The following NR3C2 variants were observed in gnomAD, a reference collection of about 807,000 sequenced individuals.
NR3C2 encodes nuclear receptor subfamily 3 group C member 2.
NR3C2 carries 15 observed loss-of-function variants against 86.4 expected under a neutral mutation model. That is an observed-to-expected ratio of 0.17 (90% CI 0.12 to 0.27). NR3C2 has a LOEUF of 0.27. Ranked by LOEUF, NR3C2 falls within the 10% of genes least tolerant of loss-of-function variation. NR3C2 has a pLI of 1.00. For synonymous variants in NR3C2, 458 were observed against 450.5 expected (o/e 1.02, Z -0.21); for missense variants, 960 against 1,195.6 (o/e 0.80, Z 2.91).
chr4:148,260,505 T>C (rs1036678807), intron 2 of NR3C2, among the ~76,000 whole-genome samples: 4 of 152,178 alleles, frequency 2.6e-5, no homozygotes, highest in African/African-American at 4.8e-5. Flanking sequence ...AGAGCTATTA[T>C]AATATTACTC....
intron 4 of NR3C2, among the ~76,000 whole-genome samples, chr4:148,181,991 T>G (rs1209784780): frequency 6.6e-6 from 1 of 152,228 alleles, no homozygotes; most frequent in Non-Finnish European, 1.5e-5. Flanking sequence ...TAGGACTACA[T>G]GCTAACCAAC....
chr4:148,194,091 C>T (rs940369405), intron 4 of NR3C2, among the ~76,000 whole-genome samples: 1 of 152,140 alleles, frequency 6.6e-6, no homozygotes, highest in Non-Finnish European at 1.5e-5. Flanking sequence ...AGAGCTAGTT[C>T]CTCCCATTAT....
chr4:148,372,746 T>A (rs183880518), intron 2 of NR3C2, among the ~76,000 whole-genome samples: 5 of 152,302 alleles, frequency 3.3e-5, no homozygotes, highest in Admixed American at 6.5e-5. Flanking sequence ...TAAAGAAAAG[T>A]TATTAAGTTA....
intron 2 of NR3C2, among the ~76,000 whole-genome samples, chr4:148,414,395 C>T (rs2126581527): frequency 6.6e-6 from 1 of 152,238 alleles, no homozygotes; most frequent in Admixed American, 6.5e-5. Context: ...GAAAAATTAA[C>T]ATTTGTTAAC....
intron 3 of NR3C2, among the ~76,000 whole-genome samples, chr4:148,231,295 C>T (rs978525847): frequency 2.6e-5 from 4 of 152,270 alleles, no homozygotes; most frequent in East Asian, 1.9e-4. Context: ...TTTGCTATAA[C>T]CATTGATAAA....
At chr4:148,212,225 T>G (rs1254180982) in intron 3 of NR3C2, among the ~76,000 whole-genome samples, 1 of 152,246 alleles carries the variant, frequency 6.6e-6, no homozygotes, top group Non-Finnish European at 1.5e-5. Context: ...TCTTATTGCT[T>G]TGGCAAGTTC....
chr4:148,267,395 A>T (rs1740451707), intron 2 of NR3C2, among the ~76,000 whole-genome samples: 1 of 151,946 alleles, frequency 6.6e-6, no homozygotes, highest in African/African-American at 2.4e-5. Context: ...CTGGGACTAC[A>T]GGCACAAGCC....
intron 6 of NR3C2, among the ~76,000 whole-genome samples, chr4:148,137,397 T>A (rs954775043): frequency 6.6e-6 from 1 of 152,164 alleles, no homozygotes. Context: ...GACAATAATA[T>A]CTGCTTTAAA....
At chr4:148,329,335 C>CAT (rs1244216060) in intron 2 of NR3C2, among the ~76,000 whole-genome samples, 2 of 5,026 alleles carry the variant, frequency 4.0e-4, no homozygotes, top group Non-Finnish European at 8.5e-4. Flanking sequence ...TATACACATG[C>CAT]ATATATATAC....
intron 2 of NR3C2, among the ~76,000 whole-genome samples, chr4:148,373,804 GAAGTT>G (rs1746542129): frequency 6.6e-6 from 1 of 152,174 alleles, no homozygotes; most frequent in Middle Eastern, 3.4e-3. Context: ...TGTTAAAATT[GAAGTT>G]AAGTATAGTC....
chr4:148,357,016 G>A (rs1483781666), intron 2 of NR3C2, among the ~76,000 whole-genome samples: 3 of 151,260 alleles, frequency 2.0e-5, no homozygotes, highest in African/African-American at 7.3e-5. Context: ...TATGGGGGAG[G>A]GATTGATAAA....
intron 4 of NR3C2, among the ~76,000 whole-genome samples, chr4:148,173,342 T>C (rs975365135): frequency 5.9e-5 from 9 of 152,238 alleles, no homozygotes; most frequent in Non-Finnish European, 1.3e-4. Context: ...TATCCTGAAT[T>C]GTCTGGGTGT....
intron 8 of NR3C2, among the ~76,000 whole-genome samples, chr4:148,108,582 T>C (rs909130691): frequency 6.6e-6 from 1 of 152,172 alleles, no homozygotes; most frequent in East Asian, 1.9e-4. Flanking sequence ...GCTTCTAGCA[T>C]GGCCCCTGGA....
chr4:148,376,968 A>G (rs1317186390), intron 2 of NR3C2, among the ~76,000 whole-genome samples: 1 of 152,222 alleles, frequency 6.6e-6, no homozygotes, highest in Admixed American at 6.5e-5. Context: ...AAAATTAAGT[A>G]TACTAATATT....
intron 4 of NR3C2, among the ~76,000 whole-genome samples, chr4:148,177,929 C>T (rs1207596630): frequency 6.6e-6 from 1 of 152,194 alleles, no homozygotes; most frequent in Non-Finnish European, 1.5e-5. Context: ...CCACCTTACA[C>T]ATTAATTAGT....
At chr4:148,302,608 T>G (rs1280783360) in intron 2 of NR3C2, among the ~76,000 whole-genome samples, 2 of 152,138 alleles carry the variant, frequency 1.3e-5, no homozygotes, top group Non-Finnish European at 2.9e-5. Context: ...ATGCTTCCCT[T>G]TAAGGAATCA....
At chr4:148,316,291 G>C in intron 2 of NR3C2, among the ~76,000 whole-genome samples, 1 of 152,012 alleles carries the variant, frequency 6.6e-6, no homozygotes, top group Non-Finnish European at 1.5e-5. Flanking sequence ...ATTTTGGTTT[G>C]TTTATGCTTT....
At chr4:148,094,317 G>A (rs2149711882) in intron 8 of NR3C2, among the ~76,000 whole-genome samples, 1 of 152,338 alleles carries the variant, frequency 6.6e-6, no homozygotes, top group Admixed American at 6.5e-5. Context: ...CAGTATGACA[G>A]TTCCTAAAGA....
chr4:148,084,211 A>AAT (rs1730707551), intron 8 of NR3C2, among the ~76,000 whole-genome samples: 1 of 152,198 alleles, frequency 6.6e-6, no homozygotes, highest in East Asian at 1.9e-4. Context: ...CAAGACACAG[A>AAT]ATAGTCAGAT....
Sources: allele counts gnomAD v4.1 joint callset (sites outside exome capture counted in the v4.1 genomes callset), GRCh38; gene constraint gnomAD v4.1.1; transcripts MANE v1.5; gene names NCBI Gene and HGNC (gene_info 2026-07-23, HGNC 2026-07-21).